The following DNAH3 variants were observed in gnomAD, a reference collection of about 807,000 sequenced individuals.
The protein encoded by DNAH3 is dynein axonemal heavy chain 3, also known as axonemal beta dynein heavy chain 3.
In DNAH3, 332 loss-of-function variants were observed where a neutral mutation model predicts 432.5. The observed-to-expected ratio is 0.77, with a 90% confidence interval of 0.70 to 0.84. The LOEUF (loss-of-function observed/expected upper bound fraction) is 0.84, where lower values mean the gene tolerates loss of function less well. Among genes scored for constraint, DNAH3 ranks in the 40% least tolerant of loss-of-function variants. The pLI is 0.00. For synonymous variants in DNAH3, 1,956 were observed against 1,900.2 expected, an observed-to-expected ratio of 1.03 and a Z score of -0.76; for missense variants, 4,861 against 5,114.0, an observed-to-expected ratio of 0.95 and a Z score of 1.51.
intron 32 of DNAH3, 99 bp downstream of exon 32, chr16:21,041,928 C>A: frequency 7.0e-7 from 1 of 1,420,522 alleles, no homozygotes; most frequent in Non-Finnish European, 9.8e-7. Context: ...CCACCTTGGC[C>A]TCCCAAAGTG....
At chr16:20,977,333 C>A (rs913621258) in intron 50 of DNAH3, among the ~76,000 whole-genome samples, 1 of 152,108 alleles carries the variant, frequency 6.6e-6, no homozygotes, top group Non-Finnish European at 1.5e-5. Flanking sequence ...GTCAAGATTG[C>A]ACCACTGCAC....
intron 37 of DNAH3, among the ~76,000 whole-genome samples, chr16:21,027,643 C>T (rs1409727886): frequency 6.6e-6 from 1 of 152,160 alleles, no homozygotes; most frequent in African/African-American, 2.4e-5. Context: ...AGTTCAAGAC[C>T]AGCATGGCCA....
chr16:20,981,490 T>A lies in DNAH3; in HGVS notation c.7859+1231A>T, dbSNP rs377742749. Among the ~76,000 whole-genome samples, 3 of 152,230 alleles carry A rather than the reference T, an allele frequency of 2.0e-5. No individual in the cohort carries two copies. In the South Asian group the frequency reaches 6.2e-4, roughly 32 times the overall value. ...GGCTCACGCCTGTAATCCCAGCACT[T>A]TGGGAGGCCGAGGTGGGCAAATCAC... On this transcript the variant is annotated intron_variant, in intron 49 of 61. Transcript: ENST00000261383.
exon 53 of DNAH3, chr16:20,963,441 A>C (rs993292247): frequency 5.0e-6 from 8 of 1,614,064 alleles, no homozygotes; most frequent in African/African-American, 1.3e-5. Flanking sequence ...CCATTTTGTC[A>C]GGCCGCAAAC....
At chr16:20,943,414 C>A (rs569850310) in intron 58 of DNAH3, among the ~76,000 whole-genome samples, 1 of 151,848 alleles carries the variant, frequency 6.6e-6, no homozygotes, top group Admixed American at 6.6e-5. Context: ...TGTAGTGATG[C>A]GGTCTCCTTA....
Position 20,952,253 on chromosome 16 carries a change from A to T in DNAH3, c.11188+180T>A, listed in dbSNP as rs552877141. On this transcript the variant is annotated intron_variant, in intron 56 of 61. Coordinates refer to ENST00000261383, the Ensembl canonical transcript of DNAH3. ...ACTCAAGGGTAAAGATTCTATCTTA[A>T]TTTTTTTTGTTTGTTTGTTTCCTTA... Among the ~76,000 whole-genome samples the T allele has an allele frequency of 4.6e-5, 7 of 152,126 alleles. No individual in the cohort carries two copies. In the South Asian group the frequency reaches 1.2e-3, roughly 27 times the overall value.
At chr16:21,094,425 C>A (rs1416106285) in intron 18 of DNAH3, among the ~76,000 whole-genome samples, 1 of 152,102 alleles carries the variant, frequency 6.6e-6, no homozygotes, top group African/African-American at 2.4e-5. Flanking sequence ...AATCCCAGCA[C>A]TTTGGGAGGC....
intron 40 of DNAH3, among the ~76,000 whole-genome samples, chr16:21,020,348 G>GTGTATATATATATATATATATATATATA: frequency 1.0e-4 from 7 of 69,156 alleles, no homozygotes; most frequent in South Asian, 6.4e-4. Flanking sequence ...TATAGTGTGT[G>GTGTATATATATATATATATATATATATA]TATATATATA....
chr16:20,964,715 C>A (rs747017697), exon 53 of DNAH3: 2 of 1,614,154 alleles, frequency 1.2e-6, no homozygotes, highest in Non-Finnish European at 1.7e-6. Context: ...GGAAGCCCAG[C>A]AATCTGCCAG....
At chr16:20,960,174 G>GTC (rs1452128569) in intron 53 of DNAH3, among the ~76,000 whole-genome samples, 2 of 151,762 alleles carry the variant, frequency 1.3e-5, no homozygotes, top group African/African-American at 2.4e-5. Flanking sequence ...TATCTTATAG[G>GTC]TCTCTTCCAC....
At chr16:21,014,788 A>G (rs1401061470) in intron 41 of DNAH3, among the ~76,000 whole-genome samples, 1 of 152,182 alleles carries the variant, frequency 6.6e-6, no homozygotes, top group Admixed American at 6.6e-5. Flanking sequence ...TTCTATATAC[A>G]GGCAATGAAC....
At chr16:20,963,902 G>C in exon 53 of DNAH3, 2 of 1,614,152 alleles carry the variant, frequency 1.2e-6, no homozygotes, top group Non-Finnish European at 1.7e-6. Context: ...TGCATGTAGA[G>C]ATTTATGAAC....
At chr16:20,967,487 T>C (rs1387417978) in intron 52 of DNAH3, among the ~76,000 whole-genome samples, 2 of 145,306 alleles carry the variant, frequency 1.4e-5, no homozygotes, top group Non-Finnish European at 3.0e-5. Flanking sequence ...GGGCACAGAC[T>C]TCTGCTTTTT....
Position 21,058,822 on chromosome 16 carries a change from C to T in DNAH3, c.3814-626G>A, listed in dbSNP as rs1003175357. Among the ~76,000 whole-genome samples, 4 of 149,030 alleles carry T rather than the reference C, an allele frequency of 2.7e-5. No individual in the cohort carries two copies. The East Asian group carries it at 5.8e-4, about 22-fold the overall frequency. The stretch of plus-strand genomic sequence containing the variant: ...TGGACACAAGGAGGAGAACATCACA[C>T]ACTGGGGCCTGTTAGGAGGTGGGGG... On this transcript the variant is annotated intron_variant, in intron 26 of 61. Coordinates refer to ENST00000261383, the Ensembl canonical transcript of DNAH3.
chr16:21,155,896 G>C (rs916845784), intron 1 of DNAH3, among the ~76,000 whole-genome samples: 1 of 152,114 alleles, frequency 6.6e-6, no homozygotes, highest in Non-Finnish European at 1.5e-5. Flanking sequence ...GGTATTCCTG[G>C]CAGCTCATTC....
rs916726048 is a variant in DNAH3, at chr16:20,969,700, G to T, written c.8458+92C>A. 56 of 1,389,444 alleles carry T rather than the reference G, an allele frequency of 4.0e-5. No individual in the cohort carries two copies. The African/African-American group carries it at 7.4e-4, about 18-fold the overall frequency. 86.1% of individuals were successfully genotyped at this position (1,389,444 alleles called of 1,614,324 possible). Reference sequence around the variant, plus strand: ...CCAAACTCAGTGATCTTGCCTGCACGCCTGCAGTCGACTTGGGGATGCAGT... The same window carrying T: ...CCAAACTCAGTGATCTTGCCTGCACTCCTGCAGTCGACTTGGGGATGCAGT... On this transcript the variant is annotated intron_variant, in intron 52 of 61. Transcript: ENST00000261383.
chr16:20,993,665 T>C (rs1050882703), intron 44 of DNAH3, among the ~76,000 whole-genome samples: 1 of 152,202 alleles, frequency 6.6e-6, no homozygotes, highest in Non-Finnish European at 1.5e-5. Flanking sequence ...TATTTTTGTC[T>C]AGCTGCCCAA....
intron 14 of DNAH3, among the ~76,000 whole-genome samples, chr16:21,109,978 A>G (rs1034615939): frequency 1.3e-5 from 2 of 152,124 alleles, no homozygotes; most frequent in Non-Finnish European, 2.9e-5. Context: ...TCCTGGGCTC[A>G]AGCAATCCTC....
At chr16:21,012,770 T>C (rs2087667852) in intron 41 of DNAH3, among the ~76,000 whole-genome samples, 1 of 152,140 alleles carries the variant, frequency 6.6e-6, no homozygotes, top group Non-Finnish European at 1.5e-5. Flanking sequence ...TTAATTTTTT[T>C]TTAGGCAGGA....
Sources: allele counts gnomAD v4.1 joint callset (sites outside exome capture counted in the v4.1 genomes callset), GRCh38; gene constraint gnomAD v4.1.1; transcripts MANE v1.5; gene names NCBI Gene and HGNC (gene_info 2026-07-23, HGNC 2026-07-21).